Variants in RYR2 observed in about 807,000 individuals in gnomAD.
The protein encoded by RYR2 is ryanodine receptor 2.
A neutral mutation model predicts 601.1 loss-of-function variants in RYR2; 227 were observed. The ratio of observed to expected loss-of-function variants is 0.38; its 90% CI spans 0.34 to 0.42. RYR2 has a LOEUF of 0.42. RYR2 is among the 10% of genes least tolerant of loss of function. RYR2 has a pLI of 1.00. For missense variants in RYR2, 4,646 were observed against 6,156.5 expected, an observed-to-expected ratio of 0.75 and a Z score of 8.21; for synonymous variants, 2,223 against 2,175.1, an observed-to-expected ratio of 1.02 and a Z score of -0.61.
intron 3 of RYR2, among the ~76,000 whole-genome samples, chr1:237,345,128 A>G (rs1474777724): frequency 6.6e-6 from 1 of 152,126 alleles, no homozygotes; most frequent in Non-Finnish European, 1.5e-5. Context: ...TTTTGAAGTT[A>G]CATAATGTCT....
intron 1 of RYR2, among the ~76,000 whole-genome samples, chr1:237,223,951 A>G (rs1185677478): frequency 6.6e-6 from 1 of 152,196 alleles, no homozygotes; most frequent in Non-Finnish European, 1.5e-5. Context: ...TACAATTTTG[A>G]AATTATTGTT....
At chr1:237,260,958 T>C (rs904682648) in intron 1 of RYR2, among the ~76,000 whole-genome samples, 6 of 152,190 alleles carry the variant, frequency 3.9e-5, no homozygotes, top group African/African-American at 1.4e-4. Context: ...TGAGTGAAAG[T>C]CCAAAAATAT....
chr1:237,691,862 CG>C (rs1373528560), intron 63 of RYR2, among the ~76,000 whole-genome samples: 1 of 152,124 alleles, frequency 6.6e-6, no homozygotes, highest in Non-Finnish European at 1.5e-5. Context: ...ATAAATAGGA[CG>C]TAGGCAGGTT....
rs1466303438 is a variant in RYR2 at position 237,548,325 on chromosome 1, G to C, written c.2907-106G>C. On this transcript the variant is annotated intron_variant, in intron 25 of 104. Coordinates refer to ENST00000366574, the MANE Select transcript of RYR2 (RefSeq NM_001035.3). ...TGGTACTTCACCACTGGTTACCACT[G>C]TGGTTTATGGAAGAACAGTAATGAG... The C allele has an allele frequency of 7.6e-6, 9 of 1,182,560 alleles. No homozygotes were observed. In the African/African-American group the frequency reaches 1.1e-4, roughly 14 times the overall value. 73.3% of individuals were successfully genotyped at this position (1,182,560 alleles called of 1,614,324 possible).
chr1:237,594,818 G>A (rs1477093834), intron 33 of RYR2, among the ~76,000 whole-genome samples: 1 of 139,788 alleles, frequency 7.2e-6, no homozygotes, highest in African/African-American at 2.8e-5. Flanking sequence ...ACTTAACTTT[G>A]TTACCATCTC....
intron 1 of RYR2, among the ~76,000 whole-genome samples, chr1:237,043,820 G>C (rs1660227322): frequency 6.6e-6 from 1 of 152,182 alleles, no homozygotes; most frequent in Admixed American, 6.5e-5. Context: ...GAAAATCGTA[G>C]ATACGGTGGA....
At chr1:237,710,520 C>T (rs1312697120) in intron 70 of RYR2, among the ~76,000 whole-genome samples, 2 of 152,056 alleles carry the variant, frequency 1.3e-5, no homozygotes, top group African/African-American at 4.8e-5. Context: ...ACATTAAAAA[C>T]ATAATCACTC....
At chr1:237,544,664 C>A (rs963947228) in intron 25 of RYR2, among the ~76,000 whole-genome samples, 2 of 152,036 alleles carry the variant, frequency 1.3e-5, no homozygotes, top group African/African-American at 4.8e-5. Flanking sequence ...CCTCTGTGTA[C>A]CTAATTAAAT....
In RYR2 at chr1:237,106,477, T is replaced by A. The variant is rs531469447; in HGVS notation, c.48+63908T>A. Reference sequence around the variant, plus strand: ...AAGGTTTCTGGCAGACAGATGATGTTTCACCAGCTAAGATGGAGCGGTCCT... The same window carrying A: ...AAGGTTTCTGGCAGACAGATGATGTATCACCAGCTAAGATGGAGCGGTCCT... On this transcript the variant is annotated intron_variant, in intron 1 of 104. Coordinates refer to ENST00000366574, the MANE Select transcript of RYR2 (RefSeq NM_001035.3). The surrounding 1 kb of genome is among the most constrained non-coding windows in gnomAD (Gnocchi z 4.4). Among the ~76,000 whole-genome samples the A allele has an allele frequency of 3.9e-5, 6 of 152,264 alleles. No homozygotes were observed. The highest frequency in any genetic ancestry group is 1.4e-4 in the African/African-American group (6 of 41,552).
At chr1:237,652,147 G>A (rs533368279) in intron 51 of RYR2, among the ~76,000 whole-genome samples, 3 of 152,280 alleles carry the variant, frequency 2.0e-5, no homozygotes, top group African/African-American at 7.2e-5. Flanking sequence ...AGATAAAGAC[G>A]AGGCTTTAAA....
chr1:237,127,248 A>G (rs1671541745), intron 1 of RYR2, among the ~76,000 whole-genome samples: 2 of 152,068 alleles, frequency 1.3e-5, no homozygotes, highest in African/African-American at 4.8e-5. Flanking sequence ...CCGCCTTTCT[A>G]TTCCACAAAG....
At chr1:237,706,533 G>T (rs753306393) in intron 67 of RYR2, among the ~76,000 whole-genome samples, 2 of 152,134 alleles carry the variant, frequency 1.3e-5, no homozygotes, top group African/African-American at 2.4e-5. Context: ...TGGGTAGGAG[G>T]TATTACAGGG....
rs1695422008 is a variant in RYR2, at chr1:237,784,890, T to G, written c.13178T>G (p.Leu4393Arg). The G allele has an allele frequency of 6.2e-7, 1 of 1,613,048 alleles. No homozygotes were observed. Among genetic ancestry groups the G allele is most frequent in the Non-Finnish European group, 8.5e-7 (1 of 1,179,492 alleles). The part of the protein sequence containing the change: ...DLKREGGQYK[L>R]IPHNPNAGLS... ...AAGAGAGAAGGAGGACAGTACAAAC[T>G]GATTCCTCATAATCCAAATGCTGGG... Residue 4393 changes from leucine to arginine, a missense_variant, in exon 90 of 105, where the codon CTG becomes CGG. Leu to Arg is a moderately radical substitution (Grantham distance 102). Coordinates refer to ENST00000366574, the MANE Select transcript of RYR2 (RefSeq NM_001035.3). The surrounding 1 kb of genome is among the most constrained non-coding windows in gnomAD (Gnocchi z 7.1).
intron 84 of RYR2, among the ~76,000 whole-genome samples, chr1:237,767,393 A>C (rs146292323): frequency 2.0e-5 from 3 of 152,186 alleles, no homozygotes; most frequent in African/African-American, 7.2e-5. Flanking sequence ...TAGACTGTGA[A>C]CTTCTTCAGG....
intron 58 of RYR2, among the ~76,000 whole-genome samples, chr1:237,672,542 T>C (rs1374964863): frequency 3.9e-5 from 6 of 152,236 alleles, no homozygotes; most frequent in Non-Finnish European, 8.8e-5. Flanking sequence ...CAATGTGTAA[T>C]GATCAAATCA....
intron 1 of RYR2, among the ~76,000 whole-genome samples, chr1:237,232,902 A>G (rs1375777542): frequency 6.6e-6 from 1 of 152,194 alleles, no homozygotes; most frequent in East Asian, 1.9e-4. Flanking sequence ...AGGGAAAATC[A>G]AGTTTGAGTT....
At chr1:237,430,264 T>C (rs1212432621) in intron 12 of RYR2, among the ~76,000 whole-genome samples, 1 of 151,246 alleles carries the variant, frequency 6.6e-6, no homozygotes, top group Non-Finnish European at 1.5e-5. Context: ...GATCTGGAGA[T>C]ATGTATAACA....
chr1:237,155,529 A>G (rs1675231257), intron 1 of RYR2, among the ~76,000 whole-genome samples: 1 of 152,280 alleles, frequency 6.6e-6, no homozygotes, highest in East Asian at 1.9e-4. Flanking sequence ...TTGAGCGGAA[A>G]GGATAGATGA....
chr1:237,359,133 A>G (rs924555546), intron 4 of RYR2, among the ~76,000 whole-genome samples: 6 of 152,280 alleles, frequency 3.9e-5, no homozygotes, highest in Admixed American at 3.9e-4. Context: ...CACCTAACCT[A>G]CAGAACATTA....
Sources: allele counts gnomAD v4.1 joint callset (sites outside exome capture counted in the v4.1 genomes callset), GRCh38; gene constraint gnomAD v4.1.1; non-coding constraint Gnocchi (gnomAD v3.1); transcripts MANE v1.5; gene names NCBI Gene and HGNC (gene_info 2026-07-23, HGNC 2026-07-21).